The following BPIFB2 variants were observed in gnomAD, a reference collection of about 807,000 sequenced individuals.
BPIFB2 encodes the protein BPI fold containing family B member 2, also known as BPI fold-containing family B member 2.
BPIFB2 carries 39 observed loss-of-function variants against 50.1 expected under a neutral mutation model. The observed-to-expected ratio is 0.78, with a 90% CI of 0.60 to 1.02. BPIFB2 has a LOEUF of 1.02. Among genes scored for constraint, BPIFB2 ranks in the 50% least tolerant of loss-of-function variants. The pLI is 0.00. For synonymous variants in BPIFB2, 280 were observed against 256.3 expected (o/e 1.09, Z -0.88); for missense variants, 574 against 585.8 (o/e 0.98, Z 0.21).
chr20:33,018,559 G>A, intron 8 of BPIFB2, 78 bp from the exon 9 acceptor site: 2 of 1,465,850 alleles, frequency 1.4e-6, no homozygotes, highest in South Asian at 2.6e-5. Context: ...GCATCTAGGA[G>A]TCCAGGTTCT....
chr20:33,020,450 T>A, intron 12 of BPIFB2, 55 bp downstream of exon 12: 1 of 1,603,606 alleles, frequency 6.2e-7, no homozygotes, highest in Non-Finnish European at 8.5e-7. Flanking sequence ...GTGCCATGGG[T>A]CCATCACCAC....
chr20:33,018,909 G>C (rs1053409811), intron 9 of BPIFB2, 87 bp downstream of exon 9: 3 of 1,567,518 alleles, frequency 1.9e-6, no homozygotes, highest in Non-Finnish European at 2.6e-6. Context: ...GCCAAATCAT[G>C]GGTGGGTGGG....
At chr20:33,019,509 TGAG>T (rs1203108882) in intron 10 of BPIFB2, 68 bp from the exon 11 acceptor site, 2 of 1,468,656 alleles carry the variant, frequency 1.4e-6, no homozygotes, top group Non-Finnish European at 9.1e-7. Context: ...AATCAGCATT[TGAG>T]GAGTGACTGA....
At chr20:33,011,356 C>G (rs569110410) in intron 3 of BPIFB2, among the ~76,000 whole-genome samples, 1 of 152,204 alleles carries the variant, frequency 6.6e-6, no homozygotes, top group Admixed American at 6.5e-5. Flanking sequence ...ATGGAGAAGC[C>G]GGGCCTGGTG....
intron 1 of BPIFB2, 140 bp from the exon 2 acceptor site, chr20:33,008,401 T>C (rs756212637): frequency 1.8e-5 from 10 of 558,516 alleles, no homozygotes; most frequent in Non-Finnish European, 3.2e-5. Context: ...AATGCAGAGA[T>C]GCAAAAACTG....
At chr20:33,018,936 C>CCTGT in intron 9 of BPIFB2, 114 bp downstream of exon 9, 1 of 1,571,428 alleles carries the variant, frequency 6.4e-7, no homozygotes, top group South Asian at 1.1e-5. Flanking sequence ...GAAGCTGGCG[C>CCTGT]CACAGGGTGG....
intron 11 of BPIFB2, among the ~76,000 whole-genome samples, chr20:33,020,110 C>T (rs1484814575): frequency 6.6e-6 from 1 of 152,226 alleles, no homozygotes; most frequent in Non-Finnish European, 1.5e-5. Context: ...GGTTACGGTC[C>T]CCCTCTCCCA....
At chr20:33,022,080 T>A (rs551173875) in intron 15 of BPIFB2, among the ~76,000 whole-genome samples, 1 of 152,276 alleles carries the variant, frequency 6.6e-6, no homozygotes, top group African/African-American at 2.4e-5. Context: ...CCCTTTGATA[T>A]CTGGAGCAGA....
In BPIFB2 at chr20:33,012,788, AT is replaced by A. The variant is rs1568976586; in HGVS notation, c.204-13del. On this transcript the variant is annotated splice_polypyrimidine_tract_variant and intron_variant, in intron 3 of 15. Transcript: ENST00000170150. Reference sequence around the variant, plus strand: ...TAATGGGGGCCACTCTGTCACCTTGATTACTACCCTGCAGGATCCGGATTCT... The same window carrying A: ...TAATGGGGGCCACTCTGTCACCTTGATACTACCCTGCAGGATCCGGATTCT... 5 of 1,600,286 alleles carry A rather than the reference AT, an allele frequency of 3.1e-6. No individual in the cohort carries two copies. In the African/African-American group the frequency reaches 6.7e-5, roughly 21 times the overall value.
intron 13 of BPIFB2, 67 bp from the exon 14 acceptor site, chr20:33,021,213 GC>G (rs2146355825): frequency 6.6e-7 from 1 of 1,520,524 alleles, no homozygotes; most frequent in Non-Finnish European, 9.1e-7. Context: ...TTATGTATGT[GC>G]CTGACTGTCC....
rs184966959 is a variant in BPIFB2 at position 33,011,381 on chromosome 20, A to G, written c.203+264A>G. On this transcript the variant is annotated intron_variant, in intron 3 of 15. Coordinates refer to ENST00000170150, the MANE Select transcript of BPIFB2 (RefSeq NM_025227.3). ...CGGGCCTGGTGCCTCTGAATTAGTGAATTTCTGCCCTCAAGGGCTAAGAGT... is the reference window on the plus strand; with the variant it reads ...CGGGCCTGGTGCCTCTGAATTAGTGGATTTCTGCCCTCAAGGGCTAAGAGT... Among the ~76,000 whole-genome samples, 411 of 152,302 alleles carry G rather than the reference A, an allele frequency of 2.7e-3. 3 individuals are homozygous for G. The highest frequency in any genetic ancestry group is 4.1e-3 in the Non-Finnish European group (282 of 68,014).
chr20:33,018,919 G>T, intron 9 of BPIFB2, 97 bp downstream of exon 9: 1 of 1,564,498 alleles, frequency 6.4e-7, no homozygotes, highest in African/African-American at 1.3e-5. Context: ...GGGTGGGTGG[G>T]GCCGCTGAAG....
rs768757237 is a variant in BPIFB2 at position 33,020,572 on chromosome 20, C to T, written c.1179C>T (p.Asn393=). ...GDVQLTVASS[N]VGFIDTDQVR... ...TCCAGCTCACGGTGGCCTCCTCCAA[C>T]GTGGGCTTCATTGATGTGAGTGTGG... is the stretch of plus-strand genomic sequence containing the variant. Residue 393 remains asparagine (N), a synonymous_variant, in exon 13 of 16, where the codon AAC becomes AAT. Transcript: ENST00000170150. 9 of 1,608,918 alleles carry T rather than the reference C, an allele frequency of 5.6e-6. No homozygotes were observed. Among genetic ancestry groups the T allele is most frequent in the African/African-American group, 2.7e-5 (2 of 74,856 alleles).
At position 33,019,118 on chromosome 20, in the gene BPIFB2, C is replaced by A; in HGVS notation, c.909+3C>A. 1 of 1,614,024 alleles carries A rather than the reference C, an allele frequency of 6.2e-7. No homozygotes were observed. Among genetic ancestry groups the A allele is most frequent in the Non-Finnish European group, 8.5e-7 (1 of 1,180,002 alleles). ...CTCTGGGCCGGCTCATCCCGGAGGT[C>A]GGTGATGTTTCTGATCATTCCAGGG... On this transcript the variant is annotated splice_donor_region_variant and intron_variant, in intron 10 of 15. Transcript: ENST00000170150.
At position 33,013,847 on chromosome 20, in the gene BPIFB2, C is replaced by T. The variant is rs1278990027; in HGVS notation, c.346C>T (p.Leu116=). ...EPLELTLPVE[L]LADTRVTQSS... ...CCTGGAGCTGACGCTGCCTGTGGAA[C>T]TGCTGGCTGACACCCGCGTGACCCA... The change falls in exon 5 of 16, where the codon CTG becomes TTG. Residue 116 remains leucine, a synonymous_variant. Transcript: ENST00000170150. 6.2e-7 allele frequency: 1 copy of T among 1,613,916 alleles called. No homozygotes were observed. The highest frequency in any genetic ancestry group is 1.1e-5 in the South Asian group (1 of 91,042).
chr20:33,020,247 G>A lies in BPIFB2; in HGVS notation c.1081-81G>A, dbSNP rs532506969. 1.0e-4 allele frequency: 137 copies of A among 1,374,564 alleles called. No individual in the cohort carries two copies. The East Asian group carries it at 2.5e-3, about 25-fold the overall frequency. The allele number at this position is 1,374,564 out of a possible 1,614,324, so 85.1% of individuals were successfully genotyped here. Reference sequence around the variant, plus strand: ...CAGACACCTGCTGCCTGAATGAGTCGGGGGATGGGTGGGAGGCTGGGTGGC... The same window carrying A: ...CAGACACCTGCTGCCTGAATGAGTCAGGGGATGGGTGGGAGGCTGGGTGGC... On this transcript the variant is annotated intron_variant, in intron 11 of 15. Coordinates refer to ENST00000170150, the MANE Select transcript of BPIFB2 (RefSeq NM_025227.3).
At position 33,021,756 on chromosome 20, in the gene BPIFB2, T is replaced by A. The variant is rs866683003; in HGVS notation, c.1292T>A (p.Val431Glu). Reference protein sequence around the residue: ...LLAMGIALPGVVNLHYVAPEI... With the variant: ...LLAMGIALPGEVNLHYVAPEI... The stretch of plus-strand genomic sequence containing the variant: ...GCCATGGGAATTGCCCTCCCTGGTG[T>A]GGTCAACCTCCACTATGTCGCCCCT... Residue 431 changes from valine to glutamate, a missense_variant, in exon 15 of 16, where the codon GTG becomes GAG. Physicochemically the swap from Val to Glu is moderately radical, Grantham distance 121 (BLOSUM62 -2). Transcript: ENST00000170150. 2 of 1,614,042 alleles carry A rather than the reference T, an allele frequency of 1.2e-6. No individual in the cohort carries two copies. Among genetic ancestry groups the A allele is most frequent in the African/African-American group, 1.3e-5 (1 of 74,924 alleles).
intron 15 of BPIFB2, 34 bp from the exon 16 acceptor site, chr20:33,023,308 T>G: frequency 6.2e-7 from 1 of 1,609,352 alleles, no homozygotes; most frequent in Non-Finnish European, 8.5e-7. Context: ...CTGTGCCTCC[T>G]CTGACCTGGT....
At chr20:33,019,899 A>G in intron 11 of BPIFB2, 149 bp downstream of exon 11, 1 of 1,110,792 alleles carries the variant, frequency 9.0e-7, no homozygotes, top group Non-Finnish European at 1.2e-6. Flanking sequence ...GGACCTTTGC[A>G]TGTGCTGAGC....
Sources: allele counts gnomAD v4.1 joint callset (sites outside exome capture counted in the v4.1 genomes callset), GRCh38; gene constraint gnomAD v4.1.1; transcripts MANE v1.5; gene names NCBI Gene and HGNC (gene_info 2026-07-23, HGNC 2026-07-21).